Variants in MCF2 observed in about 807,000 individuals in gnomAD.
MCF2 encodes the protein proto-oncogene DBL.
In MCF2, 44 loss-of-function variants were observed where a neutral mutation model predicts 82.5. The observed-to-expected ratio is 0.53, with a 90% CI of 0.42 to 0.69. MCF2 has a LOEUF of 0.69. MCF2 is among the 30% of genes least tolerant of loss of function. The pLI is 0.00. For missense variants in MCF2, 623 were observed against 663.1 expected (o/e 0.94, Z 0.66); for synonymous variants, 217 against 224.9 (o/e 0.96, Z 0.32).
chrX:139,636,556 A>G (rs1181198751), intron 1 of MCF2, among the ~76,000 whole-genome samples: 1 of 110,517 alleles, frequency 9.0e-6, no homozygotes, highest in African/African-American at 3.3e-5. Context: ...TGTGTGAGGG[A>G]GGAGGGGATG....
At chrX:139,631,278 G>T in intron 3 of MCF2, 117 bp downstream of exon 6, 1 of 420,843 alleles carries the variant, frequency 2.4e-6, no homozygotes, top group Non-Finnish European at 4.0e-6. Context: ...CCAGAAAGCT[G>T]GGGTTTTTTT....
chrX:139,624,680 GA>G (rs1188461720), intron 6 of MCF2, among the ~76,000 whole-genome samples: 1 of 111,411 alleles, frequency 9.0e-6, no homozygotes, highest in Non-Finnish European at 1.9e-5. Context: ...GATTCTGAAG[GA>G]AAAATAAATG....
At chrX:139,629,536 T>C (rs1008487863) in intron 4 of MCF2, among the ~76,000 whole-genome samples, 159 bp downstream of exon 7, 1 of 111,913 alleles carries the variant, frequency 8.9e-6, no homozygotes, top group Non-Finnish European at 1.9e-5. Flanking sequence ...TCCAGGACAG[T>C]CTTCTCTTAT....
At chrX:139,692,978 C>T in intron 1 of MCF2, among the ~76,000 whole-genome samples, 1 of 112,105 alleles carries the variant, frequency 8.9e-6, no homozygotes, top group Middle Eastern at 4.6e-3. Flanking sequence ...AGACTTGACA[C>T]GCTTTAGAGA....
chrX:139,642,020 G>A (rs559004822), intron 1 of MCF2, among the ~76,000 whole-genome samples: 29 of 111,283 alleles, frequency 2.6e-4, no homozygotes, highest in African/African-American at 8.5e-4. Flanking sequence ...TCACTTATAC[G>A]GTAACACCCA....
chrX:139,604,669 A>C lies in MCF2; in HGVS notation c.1743+12T>G, dbSNP rs1930839745. ...GCATATTTATATATATTTAAAAAAT[A>C]ATTTAACTAACCCTTTCCAGGAAAC... On this transcript the variant is annotated intron_variant, in intron 15 of 24. Coordinates refer to ENST00000370576, the Ensembl canonical transcript of MCF2. 1 of 1,117,167 alleles carries C rather than the reference A, an allele frequency of 9.0e-7. No individual in the cohort carries two copies. Among genetic ancestry groups the C allele is most frequent in the Non-Finnish European group, 1.2e-6 (1 of 835,090 alleles). 92.1% of individuals were successfully genotyped at this position (1,117,167 alleles called of 1,213,427 possible).
exon 9 of MCF2, chrX:139,616,383 G>C (rs1931897212): frequency 8.5e-7 from 1 of 1,179,458 alleles, no homozygotes; most frequent in African/African-American, 1.8e-5. Flanking sequence ...TCAATGTCTT[G>C]GAGAGCTTTC....
At chrX:139,599,305 C>G (rs1404759112) in intron 16 of MCF2, among the ~76,000 whole-genome samples, 1 of 107,318 alleles carries the variant, frequency 9.3e-6, no homozygotes, top group African/African-American at 3.4e-5. Context: ...TTGATACATG[C>G]GTTTAGATCT....
chrX:139,707,477 G>A (rs776356286), intron 1 of MCF2, among the ~76,000 whole-genome samples: 1 of 111,189 alleles, frequency 9.0e-6, no homozygotes, highest in Non-Finnish European at 1.9e-5. Flanking sequence ...ACATCCCCCC[G>A]GCTACCTTCT....
chrX:139,648,412 A>G (rs983506885), intron 2 of MCF2, among the ~76,000 whole-genome samples: 1 of 110,763 alleles, frequency 9.0e-6, no homozygotes, highest in African/African-American at 3.3e-5. Context: ...AAAAGGATAT[A>G]AAATGGAATC....
In MCF2 at chrX:139,652,097, G is replaced by GTAGA. The variant is rs757743475; in HGVS notation, c.-44-313_-44-310dup. Among the ~76,000 whole-genome samples the GTAGA allele has an allele frequency of 3.6e-5, 4 of 112,145 alleles. No individual in the cohort carries two copies. The South Asian group carries it at 1.5e-3, about 42-fold the overall frequency. ...CAGGACATTCGGATTTATTTGAAGG[G>GTAGA]TAGATGGTCATGGGGAGACACTGTA... On this transcript the variant is annotated intron_variant, in intron 1 of 27. Transcript: ENST00000414978.
At chrX:139,665,665 T>C (rs1934488644) in intron 1 of MCF2, among the ~76,000 whole-genome samples, 2 of 109,264 alleles carry the variant, frequency 1.8e-5, no homozygotes, top group African/African-American at 6.6e-5. Flanking sequence ...TTTTTGGTTC[T>C]TATGAGGTGC....
intron 2 of MCF2, 130 bp downstream of exon 5, chrX:139,632,205 T>C (rs1932959853): frequency 4.8e-6 from 2 of 419,707 alleles, no homozygotes; most frequent in Admixed American, 5.8e-5. Flanking sequence ...GCATTTCAAA[T>C]GTATACTTTT....
chrX:139,600,950 G>C (rs1930506605), intron 16 of MCF2, among the ~76,000 whole-genome samples: 2 of 111,578 alleles, frequency 1.8e-5, no homozygotes, highest in Admixed American at 9.5e-5. Context: ...TATCATCTTT[G>C]TATAGATGAA....
chrX:139,636,016 A>G (rs1354368589), intron 1 of MCF2, among the ~76,000 whole-genome samples: 4 of 111,904 alleles, frequency 3.6e-5, no homozygotes. Flanking sequence ...AAACAACCCC[A>G]TTAAAAAGTG....
intron 1 of MCF2, among the ~76,000 whole-genome samples, chrX:139,656,352 G>A (rs111712501): frequency 4.8e-4 from 54 of 112,190 alleles, no homozygotes; most frequent in African/African-American, 1.4e-3. Context: ...GTGAGCCACC[G>A]CACCCGGCCA....
At chrX:139,632,286 G>C in intron 2 of MCF2, 49 bp downstream of exon 5, 1 of 1,052,040 alleles carries the variant, frequency 9.5e-7, no homozygotes, top group Non-Finnish European at 1.3e-6. Flanking sequence ...CATGGTACAG[G>C]TCTTCATGAG....
At chrX:139,626,237 C>T (rs1450577486) in exon 6 of MCF2, 1 of 1,202,940 alleles carries the variant, frequency 8.3e-7, no homozygotes, top group Non-Finnish European at 1.1e-6. Context: ...AGATACTGCT[C>T]CATTTTTAAT....
chrX:139,592,602 C>A (rs1929619479), intron 19 of MCF2, among the ~76,000 whole-genome samples: 1 of 111,213 alleles, frequency 9.0e-6, no homozygotes, highest in South Asian at 3.8e-4. Flanking sequence ...AGATTTGAAC[C>A]CTCTCTGACA....
Sources: gnomAD v4.1 joint callset for allele counts (sites outside exome capture counted in the v4.1 genomes callset) on GRCh38, gnomAD v4.1.1 for gene constraint, MANE v1.5 for transcripts, NCBI Gene and HGNC (gene_info 2026-07-23, HGNC 2026-07-21) for gene names.